The following EFCAB5 variants were observed in gnomAD, a reference collection of about 807,000 sequenced individuals.
The protein encoded by EFCAB5 is EF-hand calcium-binding domain-containing protein 5.
A neutral mutation model predicts 167.9 loss-of-function variants in EFCAB5; 131 were observed. The ratio of observed to expected loss-of-function variants is 0.78; its 90% CI spans 0.68 to 0.90. EFCAB5 has a LOEUF of 0.90. Among genes scored for constraint, EFCAB5 ranks in the 40% least tolerant of loss-of-function variants. EFCAB5 has a pLI of 0.00. For synonymous variants in EFCAB5, 574 were observed against 602.8 expected (o/e 0.95, Z 0.70); for missense variants, 1,663 against 1,745.2 (o/e 0.95, Z 0.84).
intron 14 of EFCAB5, among the ~76,000 whole-genome samples, chr17:30,068,076 C>T (rs1208587721): frequency 6.6e-6 from 1 of 152,162 alleles, no homozygotes; most frequent in Non-Finnish European, 1.5e-5. Flanking sequence ...GAGGCGGAGG[C>T]GGGTGGATCA....
At position 30,055,373 on chromosome 17, in the gene EFCAB5, G is replaced by A. The variant is rs536745527; in HGVS notation, c.2195-515G>A. On this transcript the variant is annotated intron_variant, in intron 10 of 22. Coordinates refer to ENST00000394835, the MANE Select transcript of EFCAB5 (RefSeq NM_198529.4). ...GGAAGGAAGGAAGGAAGGAAGGAAG[G>A]AAGGAAGGAAGGTTCGTTCTCAACT... Among the ~76,000 whole-genome samples the A allele has an allele frequency of 4.4e-4, 67 of 151,482 alleles. No homozygotes were observed. In the Middle Eastern group the frequency reaches 0.014, roughly 31 times the overall value.
In EFCAB5 at chr17:30,028,504, G is replaced by A. The variant is rs145111524; in HGVS notation, c.1045-5726G>A. Among the ~76,000 whole-genome samples the A allele has an allele frequency of 1.3e-3, 204 of 152,266 alleles. No individual in the cohort carries two copies. The Middle Eastern group carries it at 0.014, about 10-fold the overall frequency. The stretch of plus-strand genomic sequence containing the variant: ...AGGCAAGTATGTTGTGAAAATATAT[G>A]AGAAAAACTTGGGGAGAAATGAGAG... On this transcript the variant is annotated intron_variant, in intron 7 of 22. Transcript: ENST00000394835.
At position 30,000,027 on chromosome 17, in the gene EFCAB5, A is replaced by G. The variant is rs9898725; in HGVS notation, c.1044+51A>G. 1,361 of 1,396,144 alleles carry G rather than the reference A, an allele frequency of 9.7e-4. 7 individuals are homozygous for G. In the African/African-American group the frequency reaches 0.018, roughly 18 times the overall value. 86.5% of individuals were successfully genotyped at this position (1,396,144 alleles called of 1,614,324 possible). On this transcript the variant is annotated intron_variant, in intron 7 of 22. Coordinates refer to ENST00000394835, the MANE Select transcript of EFCAB5 (RefSeq NM_198529.4). ...GAATTGAATTATTTTGTCAGTTTCA[A>G]TTGTCTGTTGGTGGCTGTCACACAT... is the stretch of plus-strand genomic sequence containing the variant.
intron 8 of EFCAB5, among the ~76,000 whole-genome samples, chr17:30,045,728 C>T (rs935873790): frequency 3.3e-5 from 5 of 151,730 alleles, no homozygotes; most frequent in Non-Finnish European, 5.9e-5. Flanking sequence ...ACCTGGGTAT[C>T]GTGGTGCATG....
At chr17:29,955,321 G>C (rs781026436) in intron 3 of EFCAB5, among the ~76,000 whole-genome samples, 5 of 152,150 alleles carry the variant, frequency 3.3e-5, no homozygotes, top group Non-Finnish European at 5.9e-5. Flanking sequence ...GAGGGACCTG[G>C]TGGGAGTTAA....
At chr17:30,032,717 T>C (rs953253929) in intron 7 of EFCAB5, among the ~76,000 whole-genome samples, 1 of 152,230 alleles carries the variant, frequency 6.6e-6, no homozygotes, top group Non-Finnish European at 1.5e-5. Flanking sequence ...GTTTTTGCCA[T>C]TTCTTTGGAT....
intron 14 of EFCAB5, chr17:30,074,280 G>C (rs1395791803): frequency 6.6e-6 from 1 of 152,114 alleles, no homozygotes; most frequent in African/African-American, 2.4e-5. Flanking sequence ...GACTACAGGT[G>C]CACACCACCA....
Position 29,970,669 on chromosome 17 carries a change from TACAC to T in EFCAB5, c.767+1323_767+1326del, listed in dbSNP as rs1220247152. 7.9e-3 allele frequency among the ~76,000 whole-genome samples: 464 copies of T among 58,758 alleles called. 4 individuals are homozygous for T. The highest frequency in any genetic ancestry group is 0.018 in the African/African-American group (448 of 24,384). The allele number at this position is 58,758 out of a possible 152,430, so 38.5% of individuals were successfully genotyped here. On this transcript the variant is annotated intron_variant, in intron 4 of 22. Transcript: ENST00000394835. ...ACACACACACACACACACACACACATACACACACACACACACACACACACCAGAA... is the reference window on the plus strand; with the variant it reads ...ACACACACACACACACACACACACATACACACACACACACACACACCAGAA...
At position 30,053,469 on chromosome 17, in the gene EFCAB5, G is replaced by T. The variant is rs746156888; in HGVS notation, c.1515G>T (p.Pro505=). ...EQRTSTPSPN[P]PEQQRGVTAE... ...GAACATCAACACCATCACCAAACCCGCCAGAACAGCAGAGAGGAGTAACTG... is the reference window on the plus strand; with the variant it reads ...GAACATCAACACCATCACCAAACCCTCCAGAACAGCAGAGAGGAGTAACTG... The change falls in exon 10 of 23, where the codon CCG becomes CCT. Residue 505 remains proline, a synonymous_variant. Transcript: ENST00000394835. 3 of 1,613,822 alleles carry T rather than the reference G, an allele frequency of 1.9e-6. No individual in the cohort carries two copies. The highest frequency in any genetic ancestry group is 2.2e-5 in the East Asian group (1 of 44,878).
chr17:29,970,637 G>GACACACACAC (rs34545008), intron 4 of EFCAB5, among the ~76,000 whole-genome samples: 4,015 of 138,656 alleles, frequency 0.029, 126 homozygotes, highest in Admixed American at 0.057. Flanking sequence ...CTCAAAAACA[G>GACACACACAC]ACACACACAC....
chr17:30,073,062 T>C (rs1217709648), intron 14 of EFCAB5: 7 of 234,084 alleles, frequency 3.0e-5, no homozygotes, highest in Non-Finnish European at 3.4e-5. Flanking sequence ...CCAACCTTTA[T>C]TTTTTTTTTT....
At chr17:30,010,480 C>T (rs185813907) in intron 7 of EFCAB5, among the ~76,000 whole-genome samples, 4 of 152,146 alleles carry the variant, frequency 2.6e-5, no homozygotes, top group East Asian at 1.9e-4. Context: ...TGTTTCCTGA[C>T]GTTTTAATGA....
chr17:29,986,637 ATTTTTTTTTTTTTT>A (rs911310972), intron 4 of EFCAB5, among the ~76,000 whole-genome samples: 5 of 58,056 alleles, frequency 8.6e-5, no homozygotes, highest in African/African-American at 1.4e-4. Context: ...GAGTATATTC[ATTTTTTTTTTTTTT>A]TTTTTTTTTT....
chr17:30,015,670 G>A (rs2069018409), intron 7 of EFCAB5, among the ~76,000 whole-genome samples: 1 of 151,664 alleles, frequency 6.6e-6, no homozygotes, highest in Admixed American at 6.6e-5. Flanking sequence ...TGAAGTGGTA[G>A]CACATTGTGC....
intron 3 of EFCAB5, among the ~76,000 whole-genome samples, chr17:29,955,867 T>C (rs2067605320): frequency 6.6e-6 from 1 of 152,156 alleles, no homozygotes; most frequent in African/African-American, 2.4e-5. Flanking sequence ...CAAGCAATCT[T>C]AAGCAAAAAG....
At chr17:30,068,938 A>G (rs998586491) in intron 14 of EFCAB5, 124 of 1,543,556 alleles carry the variant, frequency 8.0e-5, no homozygotes, top group Non-Finnish European at 1.0e-4. Context: ...CCAGATATTC[A>G]TGAGGACCTG....
At chr17:29,996,769 T>C (rs1403199172) in intron 6 of EFCAB5, among the ~76,000 whole-genome samples, 1 of 152,132 alleles carries the variant, frequency 6.6e-6, no homozygotes, top group African/African-American at 2.4e-5. Context: ...GAACACTGCC[T>C]CCGTAAATTC....
intron 8 of EFCAB5, among the ~76,000 whole-genome samples, chr17:30,050,244 C>T (rs956490418): frequency 2.6e-5 from 4 of 151,898 alleles, no homozygotes; most frequent in Non-Finnish European, 4.4e-5. Context: ...AAGTGATTCT[C>T]CTGCCTCAGC....
chr17:30,084,501 C>T (rs998348567), intron 18 of EFCAB5, among the ~76,000 whole-genome samples: 1 of 152,158 alleles, frequency 6.6e-6, no homozygotes, highest in African/African-American at 2.4e-5. Flanking sequence ...AGGGTCACAC[C>T]CCATCTGACC....
Sources: gnomAD v4.1 joint callset for allele counts (sites outside exome capture counted in the v4.1 genomes callset) on GRCh38, gnomAD v4.1.1 for gene constraint, MANE v1.5 for transcripts, NCBI Gene and HGNC (gene_info 2026-07-23, HGNC 2026-07-21) for gene names.